The following PCSK5 variants were observed in gnomAD, a reference collection of about 807,000 sequenced individuals.
The protein encoded by PCSK5 is prohormone convertase 5.
Under a neutral mutation model 233.2 loss-of-function variants are expected in PCSK5, and 129 were observed. The observed-to-expected ratio is 0.55, with a 90% CI of 0.48 to 0.64. The LOEUF (loss-of-function observed/expected upper bound fraction) is 0.64, where lower values mean the gene tolerates loss of function less well. Among genes scored for constraint, PCSK5 ranks in the 30% least tolerant of loss-of-function variants. The pLI is 0.00. For missense variants in PCSK5, 2,076 were observed against 2,430.1 expected (o/e 0.85, Z 3.06); for synonymous variants, 825 against 879.2 (o/e 0.94, Z 1.09).
intron 2 of PCSK5, among the ~76,000 whole-genome samples, chr9:75,968,776 TTCATC>T (rs1283978319): frequency 6.6e-6 from 1 of 152,206 alleles, no homozygotes; most frequent in African/African-American, 2.4e-5. Context: ...TCAGATCTGA[TTCATC>T]TCATAAAGAC....
chr9:76,026,376 A>G (rs550983323), intron 4 of PCSK5, among the ~76,000 whole-genome samples: 1 of 152,320 alleles, frequency 6.6e-6, no homozygotes, highest in South Asian at 2.1e-4. Flanking sequence ...GGACTCCTTT[A>G]TAGTAGATAC....
rs73460362 is a variant in PCSK5, at chr9:76,225,168, G to A, written c.2627-2335G>A. Among the ~76,000 whole-genome samples, 1,218 of 152,304 alleles carry A rather than the reference G, an allele frequency of 8.0e-3. 14 individuals are homozygous for A. The highest frequency in any genetic ancestry group is 0.029 in the African/African-American group (1,185 of 41,556). Reference sequence around the variant, plus strand: ...TTTTTAATCTGGCCTGTCTGAGGAAGTAGAAGTCCCTTGGCTAGCAATTGT... The same window carrying A: ...TTTTTAATCTGGCCTGTCTGAGGAAATAGAAGTCCCTTGGCTAGCAATTGT... On this transcript the variant is annotated intron_variant, in intron 20 of 37. Coordinates refer to ENST00000674117, the MANE Select transcript of PCSK5 (RefSeq NM_001372043.1).
intron 24 of PCSK5, among the ~76,000 whole-genome samples, chr9:76,275,851 T>C (rs981993007): frequency 1.2e-4 from 19 of 152,234 alleles, no homozygotes; most frequent in Non-Finnish European, 1.8e-4. Context: ...CGCCACACTG[T>C]GATTTCTCTC....
intron 35 of PCSK5, among the ~76,000 whole-genome samples, chr9:76,343,255 C>T (rs1055609766): frequency 4.0e-5 from 6 of 150,784 alleles, no homozygotes; most frequent in Admixed American, 6.6e-5. Context: ...ACCTCTGCTT[C>T]CTGGGTTCAA....
chr9:76,108,279 G>A (rs1398101675), intron 9 of PCSK5, among the ~76,000 whole-genome samples: 1 of 152,182 alleles, frequency 6.6e-6, no homozygotes, highest in African/African-American at 2.4e-5. Context: ...GGTTCTCCCT[G>A]CAGGAGGATC....
chr9:76,062,797 G>T (rs973796987), intron 5 of PCSK5, among the ~76,000 whole-genome samples: 1 of 152,012 alleles, frequency 6.6e-6, no homozygotes, highest in East Asian at 1.9e-4. Context: ...TCTTTCTGTG[G>T]GTAATATTCC....
At chr9:76,193,302 C>T (rs1408906641) in intron 20 of PCSK5, 1 of 1,612,566 alleles carries the variant, frequency 6.2e-7, no homozygotes. Flanking sequence ...TCTGTGCCAA[C>T]GGAAGGTTCT....
chr9:76,063,158 A>G (rs1301537453), intron 5 of PCSK5, among the ~76,000 whole-genome samples: 1 of 150,244 alleles, frequency 6.7e-6, no homozygotes, highest in Non-Finnish European at 1.5e-5. Context: ...TTTTTGAGAC[A>G]GGGTCTTGCT....
chr9:76,020,669 C>G (rs1299638399), intron 3 of PCSK5, among the ~76,000 whole-genome samples: 1 of 152,216 alleles, frequency 6.6e-6, no homozygotes, highest in South Asian at 2.1e-4. Flanking sequence ...TCAGATTCAA[C>G]AGAAGCAGAG....
intron 36 of PCSK5, 28 bp from the exon 37 acceptor site, chr9:76,354,005 A>G (rs760242514): frequency 5.7e-6 from 9 of 1,568,004 alleles, no homozygotes; most frequent in African/African-American, 4.1e-5. Flanking sequence ...TTTACACTCA[A>G]AAGGAACCTC....
chr9:76,347,757 T>G (rs904848482), intron 35 of PCSK5, among the ~76,000 whole-genome samples: 10 of 110,902 alleles, frequency 9.0e-5, no homozygotes, highest in African/African-American at 2.2e-4. Context: ...TCTCCAAAAA[T>G]AAAAAGAAAA....
intron 24 of PCSK5, among the ~76,000 whole-genome samples, chr9:76,280,803 T>C (rs1039371525): frequency 6.6e-5 from 10 of 150,634 alleles, no homozygotes; most frequent in African/African-American, 2.5e-4. Context: ...AGCCAAGTTG[T>C]GAATGCAAAG....
At chr9:76,219,550 T>C (rs1436756645) in intron 20 of PCSK5, among the ~76,000 whole-genome samples, 1 of 152,140 alleles carries the variant, frequency 6.6e-6, no homozygotes, top group Non-Finnish European at 1.5e-5. Flanking sequence ...AGCACCTCTA[T>C]GTAGTTCAGA....
rs150093461 is a variant in PCSK5 at position 76,231,761 on chromosome 9, G to A, written c.2730-1699G>A. ...GCTAAAAATCTGGGCTGGGAGCACA[G>A]GCATCTCATTCTATGCCATGGTGCA... On this transcript the variant is annotated intron_variant, in intron 21 of 37. Transcript: ENST00000674117. Among the ~76,000 whole-genome samples, 1,235 of 152,284 alleles carry A rather than the reference G, an allele frequency of 8.1e-3. 9 individuals carry two copies. Among genetic ancestry groups the A allele is most frequent in the Non-Finnish European group, 0.011 (772 of 68,024 alleles).
In PCSK5 at chr9:76,040,359, CTCTCTCTCTCTCTCTCTCTCTCTCTG is replaced by C. The variant is rs1563988528; in HGVS notation, c.632+13348_632+13373del. 9.4e-3 allele frequency among the ~76,000 whole-genome samples: 598 copies of C among 63,580 alleles called. 32 individuals are homozygous for C. Among genetic ancestry groups the C allele is most frequent in the South Asian group, 0.024 (30 of 1,260 alleles). 41.7% of individuals were successfully genotyped at this position (63,580 alleles called of 152,430 possible). A position where few individuals can be genotyped will look rare whatever the true frequency, so the allele number is the denominator to read the frequency against. On this transcript the variant is annotated intron_variant, in intron 5 of 37. Transcript: ENST00000674117. ...TCTCTCTCTCTCTCTCTCTCTCTCTCTCTCTCTCTCTCTCTCTCTCTCTCTGTCTCTCTCTCTCTCTCTCTCTCTCT... is the reference window on the plus strand; with the variant it reads ...TCTCTCTCTCTCTCTCTCTCTCTCTCTCTCTCTCTCTCTCTCTCTCTCTCT...
intron 10 of PCSK5, among the ~76,000 whole-genome samples, chr9:76,154,325 T>C (rs1823795590): frequency 1.3e-5 from 2 of 152,236 alleles, no homozygotes; most frequent in African/African-American, 4.8e-5. Context: ...ATGGCCTTCA[T>C]AAAGTCTCAA....
At chr9:76,026,265 G>A (rs1828421001) in intron 4 of PCSK5, among the ~76,000 whole-genome samples, 1 of 152,090 alleles carries the variant, frequency 6.6e-6, no homozygotes, top group Non-Finnish European at 1.5e-5. Flanking sequence ...CTTTGGTTCT[G>A]GAGATACTGT....
chr9:76,041,678 A>G (rs1829125242), intron 5 of PCSK5, among the ~76,000 whole-genome samples: 1 of 151,982 alleles, frequency 6.6e-6, no homozygotes, highest in Non-Finnish European at 1.5e-5. Context: ...CGTCTCTACT[A>G]AAAATACAAA....
At chr9:76,202,051 T>C (rs1279884694) in intron 20 of PCSK5, among the ~76,000 whole-genome samples, 1 of 152,162 alleles carries the variant, frequency 6.6e-6, no homozygotes, top group East Asian at 1.9e-4. Flanking sequence ...AGCTAAACTA[T>C]GAAAAAAGTA....
Sources: allele counts gnomAD v4.1 joint callset (sites outside exome capture counted in the v4.1 genomes callset), GRCh38; gene constraint gnomAD v4.1.1; transcripts MANE v1.5; gene names NCBI Gene and HGNC (gene_info 2026-07-23, HGNC 2026-07-21).